The following ADH6 variants were observed in gnomAD, a reference collection of about 807,000 sequenced individuals.
ADH6 encodes alcohol dehydrogenase 6 (class V).
A neutral mutation model predicts 36.5 loss-of-function variants in ADH6; 34 were observed. The ratio of observed to expected loss-of-function variants is 0.93; its 90% CI spans 0.71 to 1.24. The LOEUF (loss-of-function observed/expected upper bound fraction) is 1.24. Ranked by LOEUF, ADH6 falls within the 50% of genes most tolerant of loss-of-function variation. ADH6 has a pLI of 0.00. For synonymous variants in ADH6, 161 were observed against 155.5 expected, an observed-to-expected ratio of 1.04 and a Z score of -0.26; for missense variants, 440 against 447.0, an observed-to-expected ratio of 0.98 and a Z score of 0.14.
intron 5 of ADH6, among the ~76,000 whole-genome samples, chr4:99,209,585 A>G (rs533973157): frequency 6.6e-6 from 1 of 152,228 alleles, no homozygotes; most frequent in East Asian, 1.9e-4. Flanking sequence ...CCCCTGGTCA[A>G]TCTGTCTAAT....
Position 99,202,651 on chromosome 4 carries a change from C to G in ADH6, c.*1568G>C. 2.5e-6 allele frequency: 1 copy of G among 397,582 alleles called. No homozygotes were observed. The highest frequency in any genetic ancestry group is 4.4e-6 in the Non-Finnish European group (1 of 225,270). The allele number at this position is 397,582 out of a possible 1,614,324, so 24.6% of individuals were successfully genotyped here. On this transcript the variant is annotated 3_prime_UTR_variant, in exon 9 of 9. Coordinates refer to ENST00000394899, the MANE Select transcript of ADH6 (RefSeq NM_001102470.2). ...AAGACATTCAAAGTGGCTTAAGGAA[C>G]CGAGCTTTATTGGAGCAAAGAGTGT...
chr4:99,205,630 GT>G (rs1384631207), intron 7 of ADH6, among the ~76,000 whole-genome samples: 1 of 152,040 alleles, frequency 6.6e-6, no homozygotes, highest in African/African-American at 2.4e-5. Flanking sequence ...CAAAGATGGA[GT>G]TAGCTAAGGT....
intron 8 of ADH6, 23 bp downstream of exon 8, chr4:99,204,902 T>A (rs1183716256): frequency 6.3e-7 from 1 of 1,595,080 alleles, no homozygotes; most frequent in Non-Finnish European, 8.5e-7. Flanking sequence ...CACACAGACA[T>A]AAAATTTATG....
rs978638959 is a variant in ADH6 at position 99,219,147 on chromosome 4, A to G, written c.6T>C (p.Ser2=). ...AGACTGCACCTACTTGGCCTGTAGT[A>G]CTCATGCTGATTTTCTCCACCGCAG... The part of the protein sequence containing the change: M[S]TTGQVIRCKA... The change falls in exon 1 of 9, where the codon AGT becomes AGC. Residue 2 remains serine (S), a synonymous_variant. Coordinates refer to ENST00000394899, the MANE Select transcript of ADH6 (RefSeq NM_001102470.2). The G allele has an allele frequency of 5.6e-6, 9 of 1,611,738 alleles. No individual in the cohort carries two copies. The highest frequency in any genetic ancestry group is 7.6e-6 in the Non-Finnish European group (9 of 1,177,972).
At position 99,210,477 on chromosome 4, in the gene ADH6, C is replaced by A. The variant is rs1463369218; in HGVS notation, c.288G>T (p.Leu96=). ...AAGAGGTACATTCTCCACACTGTGGCAGAAAGAGTGTGATAACTTTGTCAC... is the reference window on the plus strand; with the variant it reads ...AAGAGGTACATTCTCCACACTGTGGAAGAAAGAGTGTGATAACTTTGTCAC... ...KPGDKVITLF[L]PQCGECTSCL... is the part of the protein sequence containing the mutation. The change falls in exon 4 of 9, where the codon CTG becomes CTT. Residue 96 remains leucine, a synonymous_variant. Transcript: ENST00000394899. 1 of 1,611,712 alleles carries A rather than the reference C, an allele frequency of 6.2e-7. No homozygotes were observed. The highest frequency in any genetic ancestry group is 1.1e-5 in the South Asian group (1 of 90,906).
chr4:99,210,365 C>T (rs1485949216), intron 4 of ADH6, 50 bp downstream of exon 4: 1 of 1,593,938 alleles, frequency 6.3e-7, no homozygotes, highest in African/African-American at 1.3e-5. Context: ...AGATCTTCTC[C>T]AATGAAAGTG....
In ADH6 at chr4:99,202,834, A is replaced by C; in HGVS notation, c.*1385T>G. The C allele has an allele frequency of 2.5e-6, 1 of 397,988 alleles. No homozygotes were observed. The highest frequency in any genetic ancestry group is 3.6e-5 in the East Asian group (1 of 28,068). The allele number at this position is 397,988 out of a possible 1,614,324, so 24.7% of individuals were successfully genotyped here. A position where few individuals can be genotyped will look rare whatever the true frequency, so the allele number is the denominator to read the frequency against. ...ATAGAAGAGCAGAGCAGAGTTGGGC[A>C]TGGAGGCTCCAGCTCAGACTTGGGA... On this transcript the variant is annotated 3_prime_UTR_variant, in exon 9 of 9. Transcript: ENST00000394899.
In ADH6 at chr4:99,205,049, G is replaced by GT. The variant is rs1560803254; in HGVS notation, c.978dup (p.Gln327ThrfsTer5). The GT allele has an allele frequency of 6.3e-7, 1 of 1,579,500 alleles. No individual in the cohort carries two copies. Among genetic ancestry groups the GT allele is most frequent in the Non-Finnish European group, 8.6e-7 (1 of 1,164,264 alleles). ...TCAGCAACCAGTTTAGGGATGTGCT[G>GT]TCTGCTCTTCCAGCCTGGAAATACA... On this transcript the variant is annotated frameshift_variant, in exon 8 of 9. Coordinates refer to ENST00000394899, the MANE Select transcript of ADH6 (RefSeq NM_001102470.2). LOFTEE classifies it high-confidence loss of function.
chr4:99,207,876 T>G (rs964677175), intron 6 of ADH6, among the ~76,000 whole-genome samples: 1 of 152,122 alleles, frequency 6.6e-6, no homozygotes, highest in African/African-American at 2.4e-5. Context: ...TTTATAAAAA[T>G]TATTACTGAT....
chr4:99,211,074 AAC>A (rs1731210615), intron 3 of ADH6, among the ~76,000 whole-genome samples: 2 of 152,308 alleles, frequency 1.3e-5, no homozygotes, highest in Admixed American at 6.5e-5. Context: ...CCCATGGTCT[AAC>A]ACTGTAAACC....
intron 2 of ADH6, 90 bp downstream of exon 2, chr4:99,216,071 T>G: frequency 1.7e-6 from 1 of 590,700 alleles, no homozygotes; most frequent in East Asian, 3.0e-5. Flanking sequence ...TTTTTCTGAG[T>G]TGAATATCCG....
Position 99,204,924 on chromosome 4 carries a change from C to A in ADH6, c.1103+1G>T. 6.2e-7 allele frequency: 1 copy of A among 1,604,646 alleles called. No individual in the cohort carries two copies. The highest frequency in any genetic ancestry group is 8.5e-7 in the Non-Finnish European group (1 of 1,175,896). On this transcript the variant is annotated splice_donor_variant, in intron 8 of 8. Coordinates refer to ENST00000394899, the MANE Select transcript of ADH6 (RefSeq NM_001102470.2). LOFTEE classifies it high-confidence loss of function. ...ACATAAAATTTATGTGGGCAGTTTACCATTTTCCAGTTTTCATTAATTCAA... is the reference window on the plus strand; with the variant it reads ...ACATAAAATTTATGTGGGCAGTTTAACATTTTCCAGTTTTCATTAATTCAA...
chr4:99,210,271 A>G lies in ADH6; in HGVS notation c.378T>C (p.Asp126=), dbSNP rs1036553237. Residue 126 remains aspartate (D), a synonymous_variant, in exon 5 of 9, where the codon GAT becomes GAC. Coordinates refer to ENST00000394899, the MANE Select transcript of ADH6 (RefSeq NM_001102470.2). ...FKQSKTQLMS[D]GTSRFTCKGK... ...CCTTGCAGGTAAACCTGCTGGTACC[A>G]TCAGACATCAGTTGGGTTTTTGACT... The G allele has an allele frequency of 6.2e-7, 1 of 1,613,800 alleles. No individual in the cohort carries two copies.
intron 1 of ADH6, among the ~76,000 whole-genome samples, chr4:99,216,905 G>A (rs747217755): frequency 3.3e-5 from 5 of 152,196 alleles, no homozygotes; most frequent in East Asian, 3.9e-4. Context: ...TGTATATAAT[G>A]TGTAGTGACC....
chr4:99,207,369 A>AAAG, intron 7 of ADH6, 77 bp downstream of exon 7: 1 of 1,569,436 alleles, frequency 6.4e-7, no homozygotes, highest in Non-Finnish European at 8.7e-7. Context: ...GTCCTTTCTT[A>AAAG]AGCGTTTATG....
chr4:99,203,049 T>G lies in ADH6; in HGVS notation c.*1170A>C. 1 of 377,914 alleles carries G rather than the reference T, an allele frequency of 2.6e-6. No homozygotes were observed. Among genetic ancestry groups the G allele is most frequent in the South Asian group, 1.5e-4 (1 of 6,852 alleles). 23.4% of individuals were successfully genotyped at this position (377,914 alleles called of 1,614,324 possible). A position where few individuals can be genotyped will look rare whatever the true frequency, so the allele number is the denominator to read the frequency against. ...AGAGAGACTGAGGGTGCAGCCCACC[T>G]TCCTGGCCAGTGTTAAATCAGGAAA... On this transcript the variant is annotated 3_prime_UTR_variant, in exon 9 of 9. Coordinates refer to ENST00000394899, the MANE Select transcript of ADH6 (RefSeq NM_001102470.2).
intron 6 of ADH6, among the ~76,000 whole-genome samples, chr4:99,208,035 T>C (rs1731097978): frequency 6.6e-6 from 1 of 152,006 alleles, no homozygotes; most frequent in Non-Finnish European, 1.5e-5. Flanking sequence ...GTGAGAAAGG[T>C]TTTGCTGTTT....
intron 8 of ADH6, 121 bp from the exon 9 acceptor site, chr4:99,204,364 A>G: frequency 6.8e-7 from 1 of 1,463,488 alleles, no homozygotes; most frequent in Non-Finnish European, 8.9e-7. Flanking sequence ...TAGGTGAAAA[A>G]TGAGAAGATT....
intron 2 of ADH6, among the ~76,000 whole-genome samples, chr4:99,214,400 GA>G (rs1477443840): frequency 3.3e-5 from 5 of 152,032 alleles, no homozygotes; most frequent in Admixed American, 1.3e-4. Context: ...TCTCTAAAAT[GA>G]AATGAAATAA....
Sources: allele counts gnomAD v4.1 joint callset (sites outside exome capture counted in the v4.1 genomes callset), GRCh38; gene constraint gnomAD v4.1.1; transcripts MANE v1.5; gene names NCBI Gene and HGNC (gene_info 2026-07-23, HGNC 2026-07-21).